CNTN5: variants seen among roughly 807,000 people sequenced by gnomAD.
CNTN5 encodes the protein contactin 5, also known as contactin-5.
In CNTN5, 77 loss-of-function variants were observed where a neutral mutation model predicts 129.1. That is an observed-to-expected ratio of 0.60 (90% CI 0.50 to 0.72). CNTN5 has a LOEUF of 0.72. Among genes scored for constraint, CNTN5 ranks in the 30% least tolerant of loss-of-function variants. The pLI, the probability that CNTN5 is intolerant of heterozygous loss-of-function variation, is 0.00. For synonymous variants in CNTN5, 509 were observed against 465.6 expected (o/e 1.09, Z -1.20); for missense variants, 1,478 against 1,328.8 (o/e 1.11, Z -1.75).
intron 3 of CNTN5, among the ~76,000 whole-genome samples, chr11:99,773,475 G>T (rs11822741): frequency 6.6e-6 from 1 of 151,926 alleles, no homozygotes; most frequent in South Asian, 2.1e-4. Flanking sequence ...TGGTTTTTAA[G>T]GTCATTTGTA....
At position 99,622,941 on chromosome 11, in the gene CNTN5, G is replaced by A. The variant is rs1223453002; in HGVS notation, c.55+66672G>A. Among the ~76,000 whole-genome samples, 3 of 151,826 alleles carry A rather than the reference G, an allele frequency of 2.0e-5. 1 individual carries two copies. The highest frequency in any genetic ancestry group is 6.4e-3 in the Middle Eastern group (2 of 314). On this transcript the variant is annotated intron_variant, in intron 3 of 24. Transcript: ENST00000524871. Reference sequence around the variant, plus strand: ...TACTGGGACCCTACACAGTCCTCTCGCTTTAACTTTAAATTAGTGTCTGTC... The same window carrying A: ...TACTGGGACCCTACACAGTCCTCTCACTTTAACTTTAAATTAGTGTCTGTC...
At chr11:100,182,286 G>A (rs2138457476) in intron 13 of CNTN5, among the ~76,000 whole-genome samples, 1 of 152,222 alleles carries the variant, frequency 6.6e-6, no homozygotes, top group African/African-American at 2.4e-5. Context: ...TGGAGGCTGT[G>A]AAGTCCAGGA....
intron 23 of CNTN5, among the ~76,000 whole-genome samples, chr11:100,343,334 T>A (rs1382300685): frequency 6.6e-6 from 1 of 152,174 alleles, no homozygotes; most frequent in Non-Finnish European, 1.5e-5. Flanking sequence ...AATTGATTCG[T>A]ATAAAAGGAG....
At chr11:99,595,258 T>G (rs1040879535) in intron 3 of CNTN5, among the ~76,000 whole-genome samples, 1 of 152,330 alleles carries the variant, frequency 6.6e-6, no homozygotes, top group Middle Eastern at 3.4e-3. Flanking sequence ...ATTGATATGG[T>G]AATTACACCA....
intron 1 of CNTN5, among the ~76,000 whole-genome samples, chr11:99,156,918 G>C (rs1172149559): frequency 1.3e-5 from 2 of 151,984 alleles, no homozygotes; most frequent in African/African-American, 4.8e-5. Flanking sequence ...ACTGTATACA[G>C]AGTATAACTG....
chr11:100,017,364 T>G (rs1227835551), intron 9 of CNTN5, among the ~76,000 whole-genome samples: 1 of 152,050 alleles, frequency 6.6e-6, no homozygotes, highest in Non-Finnish European at 1.5e-5. Context: ...CATACTTTTT[T>G]TGCATTTTAA....
chr11:99,987,582 G>A (rs993897478), intron 8 of CNTN5, among the ~76,000 whole-genome samples: 3 of 151,272 alleles, frequency 2.0e-5, no homozygotes, highest in Admixed American at 6.6e-5. Context: ...CACAGAGAGA[G>A]AGGAAAGAGA....
chr11:99,484,628 A>C (rs552710839), intron 2 of CNTN5, among the ~76,000 whole-genome samples: 1 of 152,254 alleles, frequency 6.6e-6, no homozygotes, highest in Non-Finnish European at 1.5e-5. Flanking sequence ...GTTCATTATT[A>C]GACAACCAAG....
chr11:99,858,360 T>A (rs576681938), intron 6 of CNTN5, among the ~76,000 whole-genome samples: 3 of 152,198 alleles, frequency 2.0e-5, no homozygotes, highest in African/African-American at 7.2e-5. Context: ...AAATTATAAT[T>A]CATGGAATTT....
intron 13 of CNTN5, among the ~76,000 whole-genome samples, chr11:100,127,542 G>A (rs1246815731): frequency 1.3e-5 from 2 of 151,094 alleles, no homozygotes; most frequent in African/African-American, 4.9e-5. Context: ...AGTTCAAGAT[G>A]TATAATTATT....
chr11:99,113,971 A>T (rs1857920526), intron 1 of CNTN5, among the ~76,000 whole-genome samples: 1 of 152,160 alleles, frequency 6.6e-6, no homozygotes, highest in African/African-American at 2.4e-5. Context: ...CACTTGGTGC[A>T]TCCCTCTCAT....
chr11:100,003,439 A>G (rs1275939096), intron 9 of CNTN5, among the ~76,000 whole-genome samples: 1 of 152,206 alleles, frequency 6.6e-6, no homozygotes, highest in Non-Finnish European at 1.5e-5. Flanking sequence ...CAATACTGAC[A>G]AATGCAAAAA....
intron 2 of CNTN5, among the ~76,000 whole-genome samples, chr11:99,506,386 T>C (rs35975233): frequency 0.058 from 8,800 of 152,340 alleles, 268 homozygotes; most frequent in South Asian, 0.085. Context: ...GTGTATGTTA[T>C]GCAGATTCTT....
At chr11:99,487,306 T>A (rs1439214554) in intron 2 of CNTN5, among the ~76,000 whole-genome samples, 1 of 152,224 alleles carries the variant, frequency 6.6e-6, no homozygotes, top group Non-Finnish European at 1.5e-5. Context: ...TATGACAATT[T>A]ATTCAACAAA....
intron 6 of CNTN5, among the ~76,000 whole-genome samples, chr11:99,860,484 A>G (rs1181748000): frequency 6.6e-6 from 1 of 152,186 alleles, no homozygotes; most frequent in Non-Finnish European, 1.5e-5. Context: ...TTGTTTGTAT[A>G]TGGTGAAATG....
intron 2 of CNTN5, among the ~76,000 whole-genome samples, chr11:99,416,498 G>C (rs1300857540): frequency 6.6e-6 from 1 of 151,934 alleles, no homozygotes; most frequent in Non-Finnish European, 1.5e-5. Flanking sequence ...TGTTACCCAG[G>C]CTGGTCTCAA....
chr11:99,359,700 A>G lies in CNTN5; in HGVS notation c.-71+34216A>G, dbSNP rs140080406. 1.3e-3 allele frequency among the ~76,000 whole-genome samples: 191 copies of G among 152,134 alleles called. 1 individual carries two copies. The highest frequency in any genetic ancestry group is 4.4e-3 in the African/African-American group (182 of 41,512). On this transcript the variant is annotated intron_variant, in intron 2 of 24. Coordinates refer to ENST00000524871, the MANE Select transcript of CNTN5 (RefSeq NM_014361.4). ...AAATTCTCATCTGAATATCAGCTAA[A>G]TCAGATATGCATGAGTCTCAAGATA... is the stretch of plus-strand genomic sequence containing the variant.
At chr11:100,282,789 T>G (rs1365627906) in intron 18 of CNTN5, among the ~76,000 whole-genome samples, 1 of 152,174 alleles carries the variant, frequency 6.6e-6, no homozygotes, top group African/African-American at 2.4e-5. Flanking sequence ...GAGTTGACAC[T>G]CAAACCACAA....
intron 4 of CNTN5, among the ~76,000 whole-genome samples, chr11:99,840,453 G>T (rs1947449691): frequency 6.6e-6 from 1 of 151,902 alleles, no homozygotes; most frequent in Admixed American, 6.6e-5. Flanking sequence ...GTATACTTGA[G>T]AAGTCCATCA....
Sources: gnomAD v4.1 joint callset for allele counts (sites outside exome capture counted in the v4.1 genomes callset) on GRCh38, gnomAD v4.1.1 for gene constraint, MANE v1.5 for transcripts, NCBI Gene and HGNC (gene_info 2026-07-23, HGNC 2026-07-21) for gene names.